KLHDC4: variants seen among roughly 807,000 people sequenced by gnomAD.
KLHDC4 encodes the protein kelch domain containing 4.
KLHDC4 carries 90 observed loss-of-function variants against 62.4 expected under a neutral mutation model. That is an observed-to-expected ratio of 1.44 (90% confidence interval 1.22 to 1.72). KLHDC4 has a LOEUF of 1.72. KLHDC4 is among the 40% of genes most tolerant of loss of function. The pLI is 0.00. For synonymous variants in KLHDC4, 386 were observed against 284.4 expected, an observed-to-expected ratio of 1.36 and a Z score of -3.59; for missense variants, 1,025 against 699.7, an observed-to-expected ratio of 1.47 and a Z score of -5.25.
chr16:87,709,662 G>T lies in KLHDC4; in HGVS notation c.1050C>A (p.Pro350=). Residue 350 remains proline, a synonymous_variant, in exon 10 of 12, where the codon CCC becomes CCA. Transcript: ENST00000270583. ...GCCTGCGTTTCTTCTTTTCAGACTT[G>T]GGTCCCTATTAATAGACCGAGGAAG... ...NRWFEGQLKG[P]KSEKKKRRRG... is the part of the protein sequence containing the mutation. 1.3e-6 allele frequency: 2 copies of T among 1,596,238 alleles called. No individual in the cohort carries two copies. The highest frequency in any genetic ancestry group is 1.1e-5 in the South Asian group (1 of 88,896).
At chr16:87,734,442 A>G (rs1567742401) in intron 5 of KLHDC4, among the ~76,000 whole-genome samples, 1 of 152,200 alleles carries the variant, frequency 6.6e-6, no homozygotes, top group Non-Finnish European at 1.5e-5. Flanking sequence ...GAGATAATTC[A>G]CCACATCATC....
chr16:87,751,429 G>T (rs924857697), intron 4 of KLHDC4, among the ~76,000 whole-genome samples: 3 of 150,312 alleles, frequency 2.0e-5, no homozygotes, highest in South Asian at 2.1e-4. Context: ...AGCTGAGGTC[G>T]CACCACTGCA....
rs562876355 is a variant in KLHDC4 at position 87,730,700 on chromosome 16, A to G, written c.507-56T>C. 2.4e-5 allele frequency: 35 copies of G among 1,470,220 alleles called. No individual in the cohort carries two copies. In the South Asian group the frequency reaches 4.1e-4, roughly 17 times the overall value. 91.1% of individuals were successfully genotyped at this position (1,470,220 alleles called of 1,614,324 possible). A position where few individuals can be genotyped will look rare whatever the true frequency, so the allele number is the denominator to read the frequency against. Reference sequence around the variant, plus strand: ...AACCTGCTTAATTTCTGGTTGTTCTAAAGACGACAACAACAAACAAAATCC... The same window carrying G: ...AACCTGCTTAATTTCTGGTTGTTCTGAAGACGACAACAACAAACAAAATCC... On this transcript the variant is annotated intron_variant, in intron 5 of 11. Transcript: ENST00000270583.
At chr16:87,747,110 G>C (rs1421259515) in intron 5 of KLHDC4, among the ~76,000 whole-genome samples, 1 of 152,228 alleles carries the variant, frequency 6.6e-6, no homozygotes, top group Non-Finnish European at 1.5e-5. Context: ...CCGAGTGACA[G>C]AACCAGCAAA....
chr16:87,727,011 A>T, intron 6 of KLHDC4, 87 bp from the exon 7 acceptor site: 1 of 1,417,786 alleles, frequency 7.1e-7, no homozygotes, highest in African/African-American at 1.4e-5. Context: ...ATTAAAGGTA[A>T]ATTTCCTACT....
intron 5 of KLHDC4, among the ~76,000 whole-genome samples, chr16:87,736,971 T>G (rs552759006): frequency 3.2e-4 from 48 of 150,512 alleles, no homozygotes; most frequent in African/African-American, 1.1e-3. Context: ...ATTAAAAATA[T>G]AACATTAGCC....
In KLHDC4 at chr16:87,755,238, T is replaced by C; in HGVS notation, c.325A>G (p.Lys109Glu). 1 of 1,612,064 alleles carries C rather than the reference T, an allele frequency of 6.2e-7. No homozygotes were observed. The highest frequency in any genetic ancestry group is 1.1e-5 in the South Asian group (1 of 91,032). Residue 109 changes from lysine to glutamate, a missense_variant, in exon 4 of 12, where the codon AAA becomes GAA. Coordinates refer to ENST00000270583, the MANE Select transcript of KLHDC4 (RefSeq NM_017566.4). ...VYNTRKDTWTKVDIPSPPPRR... is the reference protein window; with the variant it reads ...VYNTRKDTWTEVDIPSPPPRR... ...GGAGGTGGACTGGGGATGTCAACTT[T>C]GGTCCAGGTGTCCTTTCTGGTATTG...
chr16:87,752,077 G>C lies in KLHDC4; in HGVS notation c.369+3117C>G, dbSNP rs1170460061. 2.7e-5 allele frequency among the ~76,000 whole-genome samples: 2 copies of C among 73,264 alleles called. 1 individual carries two copies. The highest frequency in any genetic ancestry group is 9.4e-4 in the East Asian group (2 of 2,118). The allele number at this position is 73,264 out of a possible 152,430, so 48.1% of individuals were successfully genotyped here. A position where few individuals can be genotyped will look rare whatever the true frequency, so the allele number is the denominator to read the frequency against. On this transcript the variant is annotated intron_variant, in intron 4 of 11. Transcript: ENST00000270583. The stretch of plus-strand genomic sequence containing the variant: ...TGCACTCCAGCCTGGGCAACAGAGT[G>C]AGACTTTGTCTCAAAAAAAAAAAAA...
intron 1 of KLHDC4, 104 bp from the exon 2 acceptor site, chr16:87,762,144 G>A: frequency 1.3e-6 from 2 of 1,542,168 alleles, no homozygotes; most frequent in Non-Finnish European, 1.7e-6. Context: ...ACTGGGCTCA[G>A]TCACATCTGT....
intron 5 of KLHDC4, among the ~76,000 whole-genome samples, chr16:87,731,192 T>C (rs2040308843): frequency 6.6e-6 from 1 of 150,758 alleles, no homozygotes; most frequent in African/African-American, 2.4e-5. Flanking sequence ...GCCTCCTGAG[T>C]AGCTGGAATT....
chr16:87,764,580 C>A (rs1354138340), intron 1 of KLHDC4, among the ~76,000 whole-genome samples: 4 of 124,106 alleles, frequency 3.2e-5, no homozygotes, highest in Non-Finnish European at 6.3e-5. Flanking sequence ...ACCTGGGAGG[C>A]GGAGGTGCAG....
chr16:87,749,217 T>G, intron 4 of KLHDC4, among the ~76,000 whole-genome samples: 1 of 152,048 alleles, frequency 6.6e-6, no homozygotes, highest in East Asian at 1.9e-4. Flanking sequence ...CTTGCTATCA[T>G]GTGCCAACTA....
At chr16:87,702,296 G>A (rs766170843) in exon 1 of KLHDC4, 8 of 456,206 alleles carry the variant, frequency 1.8e-5, no homozygotes, top group Admixed American at 4.7e-5. Flanking sequence ...AAGGAGGGCC[G>A]GTCTGCCGGG....
chr16:87,743,294 T>A (rs1391848069), intron 5 of KLHDC4, among the ~76,000 whole-genome samples: 1 of 152,090 alleles, frequency 6.6e-6, no homozygotes, highest in African/African-American at 2.4e-5. Context: ...GGGGTCTTAC[T>A]ATGTTGTCCC....
intron 7 of KLHDC4, among the ~76,000 whole-genome samples, chr16:87,716,159 CTA>C (rs1403022423): frequency 6.7e-6 from 1 of 150,102 alleles, no homozygotes; most frequent in Non-Finnish European, 1.5e-5. Context: ...TGGGTACGCG[CTA>C]TGTCTCGTGG....
chr16:87,721,728 A>C lies in KLHDC4; in HGVS notation c.759+5037T>G, dbSNP rs542900019. ...ATGAAAGGACGCTCTGGCCTCTGCC[A>C]GCATGCTCCACGGCCTCGCGGTAAC... On this transcript the variant is annotated intron_variant, in intron 7 of 11. Transcript: ENST00000270583. 6.6e-5 allele frequency among the ~76,000 whole-genome samples: 10 copies of C among 152,382 alleles called. No individual in the cohort carries two copies. In the South Asian group the frequency reaches 2.1e-3, roughly 32 times the overall value.
intron 1 of KLHDC4, among the ~76,000 whole-genome samples, chr16:87,764,646 CAAAAAAAAAA>C (rs564692904): frequency 6.5e-4 from 22 of 33,838 alleles, no homozygotes; most frequent in East Asian, 5.3e-3. Context: ...GAAACTCCTT[CAAAAAAAAAA>C]AAAAAAAAAA....
At chr16:87,730,471 T>A in intron 6 of KLHDC4, 81 bp downstream of exon 6, 1 of 1,168,800 alleles carries the variant, frequency 8.6e-7, no homozygotes, top group Non-Finnish European at 1.2e-6. Flanking sequence ...GTCTTTCTTG[T>A]GTATTCAGAA....
chr16:87,749,490 G>A (rs949033091), intron 4 of KLHDC4, among the ~76,000 whole-genome samples: 1 of 151,154 alleles, frequency 6.6e-6, no homozygotes, highest in South Asian at 2.1e-4. Flanking sequence ...GGAGGTGGAG[G>A]GTGCAGTGAG....
Sources: allele counts gnomAD v4.1 joint callset (sites outside exome capture counted in the v4.1 genomes callset), GRCh38; gene constraint gnomAD v4.1.1; transcripts MANE v1.5; gene names NCBI Gene and HGNC (gene_info 2026-07-23, HGNC 2026-07-21).